The following RAB28 variants were observed in gnomAD, a reference collection of about 807,000 sequenced individuals.
RAB28 encodes ras-related protein Rab-28.
RAB28 carries 24 observed loss-of-function variants against 31.7 expected under a neutral mutation model. The observed-to-expected ratio is 0.76, with a 90% CI of 0.55 to 1.06. The LOEUF (loss-of-function observed/expected upper bound fraction) is 1.06. Ranked by LOEUF, RAB28 falls within the 50% of genes least tolerant of loss-of-function variation. The pLI is 0.00. For missense variants in RAB28, 254 were observed against 258.5 expected, an observed-to-expected ratio of 0.98 and a Z score of 0.12; for synonymous variants, 100 against 90.4, an observed-to-expected ratio of 1.11 and a Z score of -0.60.
intron 4 of RAB28, among the ~76,000 whole-genome samples, chr4:13,385,623 A>C (rs1264561551): frequency 1.3e-5 from 2 of 152,166 alleles, no homozygotes; most frequent in African/African-American, 2.4e-5. Flanking sequence ...CTTTTCAGAC[A>C]AGCAAATGCT....
intron 4 of RAB28, among the ~76,000 whole-genome samples, chr4:13,389,816 T>G (rs1729546487): frequency 6.6e-6 from 1 of 152,210 alleles, no homozygotes; most frequent in Admixed American, 6.5e-5. Flanking sequence ...ACCACATGAT[T>G]ATCTCAATAG....
intron 4 of RAB28, among the ~76,000 whole-genome samples, chr4:13,422,105 A>G (rs1433492609): frequency 2.0e-5 from 3 of 152,112 alleles, no homozygotes; most frequent in African/African-American, 4.8e-5. Flanking sequence ...ATGAACAGAC[A>G]CTTCTCTAAA....
At position 13,474,346 on chromosome 4, in the gene RAB28, A is replaced by G. The variant is rs1478740465; in HGVS notation, c.233T>C (p.Met78Thr). 4 of 1,596,770 alleles carry G rather than the reference A, an allele frequency of 2.5e-6. No individual in the cohort carries two copies. The highest frequency in any genetic ancestry group is 1.3e-5 in the African/African-American group (1 of 74,492). ...DIGGQTIGGK[M>T]LDKYIYGAQG... is the part of the protein sequence containing the mutation. ...TGCTCCATAGATATATTTATCCAAC[A>G]TTTTGCCTCCTATTGTCTGCCCTCC... Residue 78 changes from methionine to threonine, a missense_variant, in exon 3 of 7, where the codon ATG becomes ACG. Transcript: ENST00000330852.
intron 3 of RAB28, among the ~76,000 whole-genome samples, chr4:13,473,423 G>A (rs1303345005): frequency 6.6e-6 from 1 of 151,836 alleles, no homozygotes; most frequent in Admixed American, 6.6e-5. Context: ...ATTACATACA[G>A]AGCTCAGTAA....
chr4:13,460,794 T>C lies in RAB28; in HGVS notation c.296A>G (p.Gln99Arg), dbSNP rs778566979. ...CCAATCTTCTAAATTCTCAAAGCTT[T>C]GATAATTTGTAATATCATATACCAA... is the stretch of plus-strand genomic sequence containing the variant. ...VLLVYDITNY[Q>R]SFENLEDWYT... is the part of the protein sequence containing the mutation. Residue 99 changes from glutamine (Q) to arginine (R), a missense_variant, in exon 4 of 7, where the codon CAA becomes CGA. Transcript: ENST00000330852. 1.2e-6 allele frequency: 2 copies of C among 1,613,606 alleles called. No individual in the cohort carries two copies. Among genetic ancestry groups the C allele is most frequent in the Non-Finnish European group, 8.5e-7 (1 of 1,179,556 alleles).
intron 4 of RAB28, among the ~76,000 whole-genome samples, chr4:13,439,999 A>G (rs1454471725): frequency 6.6e-6 from 1 of 152,234 alleles, no homozygotes; most frequent in Non-Finnish European, 1.5e-5. Context: ...TTCATAATAC[A>G]GAACACAACT....
At chr4:13,375,530 C>G (rs553674020) in intron 6 of RAB28, among the ~76,000 whole-genome samples, 40 of 152,216 alleles carry the variant, frequency 2.6e-4, no homozygotes, top group African/African-American at 8.2e-4. Context: ...ATGGTGACTT[C>G]TCTTTCCTAT....
intron 1 of RAB28, among the ~76,000 whole-genome samples, chr4:13,481,680 T>G (rs1261994003): frequency 2.0e-5 from 3 of 151,936 alleles, no homozygotes; most frequent in African/African-American, 7.2e-5. Context: ...AGAAAAAATA[T>G]GAATCAGAAA....
At chr4:13,470,443 T>C (rs1716068656) in intron 3 of RAB28, among the ~76,000 whole-genome samples, 1 of 152,046 alleles carries the variant, frequency 6.6e-6, no homozygotes. Flanking sequence ...AGGCACCAAA[T>C]CCTTTCATTG....
chr4:13,457,043 G>C (rs1256183045), intron 4 of RAB28, among the ~76,000 whole-genome samples: 1 of 152,054 alleles, frequency 6.6e-6, no homozygotes, highest in Non-Finnish European at 1.5e-5. Flanking sequence ...GCTGGCTACT[G>C]CTACCAGTAT....
intron 4 of RAB28, among the ~76,000 whole-genome samples, chr4:13,415,557 G>A (rs955335019): frequency 2.0e-5 from 3 of 152,154 alleles, no homozygotes; most frequent in African/African-American, 7.2e-5. Flanking sequence ...TGCAGAGGGT[G>A]TGCTGGGTCC....
rs564454747 is a variant in RAB28, at chr4:13,445,536, A to G, written c.391+15163T>C. 2.6e-5 allele frequency among the ~76,000 whole-genome samples: 4 copies of G among 152,092 alleles called. No homozygotes were observed. The South Asian group carries it at 8.3e-4, about 32-fold the overall frequency. On this transcript the variant is annotated intron_variant, in intron 4 of 6. Transcript: ENST00000330852. ...GCTCTTTGAGGCTGTTGATCTGTGG[A>G]TAAGGTTTTTGTGGGGTCTTTTTGT...
chr4:13,474,435 A>C (rs756128113), intron 2 of RAB28, 29 bp from the exon 3 acceptor site: 3 of 1,311,860 alleles, frequency 2.3e-6, no homozygotes, highest in Non-Finnish European at 2.2e-6. Flanking sequence ...ATATAAAAAT[A>C]AGAATACCAA....
intron 4 of RAB28, among the ~76,000 whole-genome samples, chr4:13,441,400 T>C (rs1007453525): frequency 3.9e-5 from 6 of 152,238 alleles, no homozygotes; most frequent in African/African-American, 7.2e-5. Context: ...TCTTATATTT[T>C]CCACTGTAAT....
At chr4:13,433,070 T>C (rs1429558568) in intron 4 of RAB28, among the ~76,000 whole-genome samples, 3 of 149,790 alleles carry the variant, frequency 2.0e-5, no homozygotes, top group East Asian at 3.9e-4. Context: ...AAGAGGCCCA[T>C]CTCACCTCTA....
rs1352384148 is a variant in RAB28 at position 13,379,195 on chromosome 4, A to G, written c.495+2296T>C. Reference sequence around the variant, plus strand: ...CACTCCAGCCCGGAGGACACAGTGAAACTCTGTCTCAAAAAAAAAAAAAAA... The same window carrying G: ...CACTCCAGCCCGGAGGACACAGTGAGACTCTGTCTCAAAAAAAAAAAAAAA... On this transcript the variant is annotated intron_variant, in intron 5 of 6. Coordinates refer to ENST00000330852, the MANE Select transcript of RAB28 (RefSeq NM_001017979.3). 1.3e-4 allele frequency among the ~76,000 whole-genome samples: 18 copies of G among 133,442 alleles called. No homozygotes were observed. In the Admixed American group the frequency reaches 1.4e-3, roughly 11 times the overall value. 87.5% of individuals were successfully genotyped at this position (133,442 alleles called of 152,430 possible). A position where few individuals can be genotyped will look rare whatever the true frequency, so the allele number is the denominator to read the frequency against.
At chr4:13,370,768 G>T (rs1256086779) in intron 6 of RAB28, 1 of 984,208 alleles carries the variant, frequency 1.0e-6, no homozygotes, top group Non-Finnish European at 1.2e-6. Context: ...TGCAGTTGCA[G>T]GTCATGTAAA....
At chr4:13,440,463 CAAATT>C (rs1204020923) in intron 4 of RAB28, among the ~76,000 whole-genome samples, 1 of 151,992 alleles carries the variant, frequency 6.6e-6, no homozygotes, top group African/African-American at 2.4e-5. Context: ...TTTAAGTAAT[CAAATT>C]AATCACAATA....
chr4:13,433,723 T>C (rs1233587077), intron 4 of RAB28, among the ~76,000 whole-genome samples: 3 of 152,144 alleles, frequency 2.0e-5, no homozygotes, highest in African/African-American at 7.2e-5. Context: ...CGGAAATTAA[T>C]TCAGCCACTA....
Sources: gnomAD v4.1 joint callset for allele counts (sites outside exome capture counted in the v4.1 genomes callset) on GRCh38, gnomAD v4.1.1 for gene constraint, MANE v1.5 for transcripts, NCBI Gene and HGNC (gene_info 2026-07-23, HGNC 2026-07-21) for gene names.